PLCXD3: variants seen among roughly 807,000 people sequenced by gnomAD.
PLCXD3 encodes the protein PI-PLC X domain-containing protein 3.
A neutral mutation model predicts 25.5 loss-of-function variants in PLCXD3; 19 were observed. The observed-to-expected ratio is 0.75, with a 90% CI of 0.52 to 1.09. The LOEUF is 1.09. Among genes scored for constraint, PLCXD3 ranks in the 50% least tolerant of loss-of-function variants. The probability of loss-of-function intolerance (pLI) is 0.00; values close to 1 mark genes in which losing one functional copy is unlikely to be tolerated. For missense variants in PLCXD3, 411 were observed against 388.1 expected (o/e 1.06, Z -0.50); for synonymous variants, 174 against 137.6 (o/e 1.26, Z -1.85).
In PLCXD3 at chr5:41,311,504, A is replaced by T. The variant is rs1229756681; in HGVS notation, c.*2113T>A. On this transcript the variant is annotated 3_prime_UTR_variant, in exon 3 of 3. Transcript: ENST00000377801. ...TTAATATTATCAATGTCTTCATTTG[A>T]AAAGAAGAATTGTACTGTGTCCATA... is the stretch of plus-strand genomic sequence containing the variant. The T allele has an allele frequency of 6.6e-6, 1 of 152,176 alleles. No homozygotes were observed. Among genetic ancestry groups the T allele is most frequent in the African/African-American group, 2.4e-5 (1 of 41,440 alleles). The allele number at this position is 152,176 out of a possible 1,614,324, so 9.4% of individuals were successfully genotyped here. A position where few individuals can be genotyped will look rare whatever the true frequency, so the allele number is the denominator to read the frequency against.
chr5:41,487,300 AG>A (rs1390159185), intron 1 of PLCXD3, among the ~76,000 whole-genome samples: 1 of 152,166 alleles, frequency 6.6e-6, no homozygotes, highest in Non-Finnish European at 1.5e-5. Flanking sequence ...AACTTGTTTC[AG>A]TGTGGGCTTC....
intron 1 of PLCXD3, among the ~76,000 whole-genome samples, chr5:41,486,779 C>A (rs747266821): frequency 6.6e-6 from 1 of 152,164 alleles, no homozygotes; most frequent in Non-Finnish European, 1.5e-5. Flanking sequence ...ATATTATCCT[C>A]TTGAATTCTG....
At chr5:41,505,136 AT>A (rs11367853) in intron 1 of PLCXD3, among the ~76,000 whole-genome samples, 1,693 of 152,262 alleles carry the variant, frequency 0.011, 28 homozygotes, top group African/African-American at 0.038. Context: ...GGTATAATAA[AT>A]TTTTACACGA....
At chr5:41,372,795 G>A (rs975978766) in intron 2 of PLCXD3, among the ~76,000 whole-genome samples, 2 of 152,044 alleles carry the variant, frequency 1.3e-5, no homozygotes, top group Admixed American at 1.3e-4. Context: ...TGTAATCACA[G>A]CATTTTGGGA....
intron 2 of PLCXD3, among the ~76,000 whole-genome samples, chr5:41,377,858 G>A (rs1481192287): frequency 6.6e-6 from 1 of 152,044 alleles, no homozygotes; most frequent in African/African-American, 2.4e-5. Context: ...TGGAACTGTA[G>A]GATTTACAAC....
chr5:41,328,197 AG>A (rs1049598064), intron 2 of PLCXD3, among the ~76,000 whole-genome samples: 2 of 152,156 alleles, frequency 1.3e-5, no homozygotes, highest in Non-Finnish European at 2.9e-5. Flanking sequence ...CATAATAATG[AG>A]GATTAAATTA....
intron 1 of PLCXD3, among the ~76,000 whole-genome samples, chr5:41,508,383 C>G (rs1277515047): frequency 1.3e-5 from 2 of 152,224 alleles, no homozygotes; most frequent in Non-Finnish European, 2.9e-5. Context: ...CAAAGCCTTT[C>G]CCTCCAAAAT....
intron 1 of PLCXD3, among the ~76,000 whole-genome samples, chr5:41,489,115 A>G (rs1374165048): frequency 2.0e-5 from 3 of 152,148 alleles, no homozygotes; most frequent in South Asian, 4.1e-4. Flanking sequence ...TATAAGGTGT[A>G]AGGAAGGGAT....
intron 1 of PLCXD3, among the ~76,000 whole-genome samples, chr5:41,480,392 TG>T (rs1185751970): frequency 7.5e-5 from 11 of 147,526 alleles, no homozygotes; most frequent in South Asian, 2.2e-4. Flanking sequence ...GTAACAAAGT[TG>T]TTTTTTTTTT....
chr5:41,432,630 G>C (rs1384854559), intron 1 of PLCXD3, among the ~76,000 whole-genome samples: 1 of 152,190 alleles, frequency 6.6e-6, no homozygotes, highest in Non-Finnish European at 1.5e-5. Context: ...CTTCCAAGAG[G>C]AAGGGCACCA....
intron 2 of PLCXD3, among the ~76,000 whole-genome samples, chr5:41,336,299 T>C (rs1222029123): frequency 6.6e-6 from 1 of 152,164 alleles, no homozygotes; most frequent in East Asian, 1.9e-4. Context: ...AAATCCTGGG[T>C]AAGTCACTTA....
chr5:41,312,277 T>C lies in PLCXD3; in HGVS notation c.*1340A>G, dbSNP rs1743152207. On this transcript the variant is annotated 3_prime_UTR_variant, in exon 3 of 3. Transcript: ENST00000377801. ...CCTCGGATAGGATGAAACTCAGAAG[T>C]GAGGAGTCAGAGCCAATTTTAAACA... 6.6e-6 allele frequency: 1 copy of C among 152,490 alleles called. No individual in the cohort carries two copies. Among genetic ancestry groups the C allele is most frequent in the Non-Finnish European group, 1.5e-5 (1 of 68,012 alleles). The allele number at this position is 152,490 out of a possible 1,614,324, so 9.4% of individuals were successfully genotyped here.
At chr5:41,399,752 C>T (rs1373108646) in intron 1 of PLCXD3, among the ~76,000 whole-genome samples, 6 of 152,074 alleles carry the variant, frequency 3.9e-5, no homozygotes, top group Non-Finnish European at 7.4e-5. Context: ...TACAAGAAAA[C>T]GTTGGAGAAA....
chr5:41,392,355 A>AAG (rs150796688), intron 1 of PLCXD3, among the ~76,000 whole-genome samples: 15 of 151,188 alleles, frequency 9.9e-5, no homozygotes, highest in South Asian at 8.4e-4. Flanking sequence ...GAGAGAGAGA[A>AAG]AGAGAGAGAG....
At chr5:41,360,656 C>A (rs71625647) in intron 2 of PLCXD3, among the ~76,000 whole-genome samples, 3,015 of 152,272 alleles carry the variant, frequency 0.02, 40 homozygotes, top group Middle Eastern at 0.041. Flanking sequence ...AGTGGAGCTA[C>A]CAGGCTCCCA....
intron 2 of PLCXD3, among the ~76,000 whole-genome samples, chr5:41,377,247 T>G (rs904522878): frequency 6.6e-6 from 1 of 152,048 alleles, no homozygotes; most frequent in African/African-American, 2.4e-5. Context: ...TTATAAATAT[T>G]GAACCTAATC....
chr5:41,496,066 T>C (rs908676909), intron 1 of PLCXD3, among the ~76,000 whole-genome samples: 38 of 152,030 alleles, frequency 2.5e-4, no homozygotes, highest in African/African-American at 7.2e-4. Flanking sequence ...AAGAATGCAA[T>C]AACTGAACTG....
intron 1 of PLCXD3, among the ~76,000 whole-genome samples, chr5:41,392,553 C>A (rs1037549946): frequency 6.6e-6 from 1 of 152,150 alleles, no homozygotes; most frequent in Non-Finnish European, 1.5e-5. Context: ...ATACCCAAGT[C>A]CTTTCGAGTA....
At chr5:41,344,857 A>G (rs1744256229) in intron 2 of PLCXD3, among the ~76,000 whole-genome samples, 1 of 152,162 alleles carries the variant, frequency 6.6e-6, no homozygotes, top group South Asian at 2.1e-4. Context: ...CATTCAATAT[A>G]TATGTATTGC....
Sources: gnomAD v4.1 joint callset for allele counts (sites outside exome capture counted in the v4.1 genomes callset) on GRCh38, gnomAD v4.1.1 for gene constraint, MANE v1.5 for transcripts, NCBI Gene and HGNC (gene_info 2026-07-23, HGNC 2026-07-21) for gene names.